Variants in RASGRF1 observed in about 807,000 individuals in gnomAD.
RASGRF1 encodes ras-specific guanine nucleotide-releasing factor 1.
Under a neutral mutation model 138.7 loss-of-function variants are expected in RASGRF1, and 40 were observed. That is an observed-to-expected ratio of 0.29 (90% confidence interval 0.22 to 0.38). RASGRF1 has a LOEUF of 0.38. Ranked by LOEUF, RASGRF1 falls within the 10% of genes least tolerant of loss-of-function variation. The pLI is 1.00. For missense variants in RASGRF1, 1,108 were observed against 1,650.4 expected (o/e 0.67, Z 5.69); for synonymous variants, 614 against 663.2 (o/e 0.93, Z 1.14).
Position 79,046,502 on chromosome 15 carries a change from A to T in RASGRF1, c.878+244T>A, listed in dbSNP as rs772977165. On this transcript the variant is annotated intron_variant, in intron 5 of 26. Coordinates refer to ENST00000558480, the MANE Select transcript of RASGRF1 (RefSeq NM_001145648.3). This position sits in a 1 kb window ranked among gnomAD's most constrained non-coding sequence, Gnocchi z 5.3. ...TTCCTAAGTGTTCCCCACGGAGCAAAACTGCCCCAGTTGAGGCCCACTGGT... is the reference window on the plus strand; with the variant it reads ...TTCCTAAGTGTTCCCCACGGAGCAATACTGCCCCAGTTGAGGCCCACTGGT... Among the ~76,000 whole-genome samples, 30 of 152,172 alleles carry T rather than the reference A, an allele frequency of 2.0e-4. No homozygotes were observed. Among genetic ancestry groups the T allele is most frequent in the Non-Finnish European group, 3.2e-4 (22 of 68,020 alleles).
chr15:79,012,530 G>A (rs555179095), intron 13 of RASGRF1: 3 of 1,613,824 alleles, frequency 1.9e-6, no homozygotes, highest in Non-Finnish European at 2.5e-6. Flanking sequence ...TGGTCCTCCT[G>A]TGAAGAAAAC....
chr15:79,001,509 G>A (rs532431673), intron 16 of RASGRF1, among the ~76,000 whole-genome samples, 153 bp downstream of exon 16: 1 of 152,214 alleles, frequency 6.6e-6, no homozygotes, highest in East Asian at 1.9e-4. Context: ...GGCGGGTGGT[G>A]GTGGGTGGGT....
At chr15:78,986,861 A>G (rs899758161) in intron 22 of RASGRF1, among the ~76,000 whole-genome samples, 1 of 152,260 alleles carries the variant, frequency 6.6e-6, no homozygotes, top group African/African-American at 2.4e-5. Flanking sequence ...ATCAGGAAGG[A>G]TAATAACACA....
At chr15:78,996,847 C>T (rs949672947) in intron 19 of RASGRF1, among the ~76,000 whole-genome samples, 3 of 152,194 alleles carry the variant, frequency 2.0e-5, no homozygotes, top group African/African-American at 7.2e-5. Context: ...TGGGCCCCAG[C>T]ATGGGGCCTC....
At chr15:78,978,964 C>A in intron 24 of RASGRF1, 1 of 1,288,086 alleles carries the variant, frequency 7.8e-7, no homozygotes, top group South Asian at 1.2e-5. Flanking sequence ...GGAAGACGGT[C>A]AGGGTGGGGA....
chr15:79,014,642 C>T (rs1462578683), intron 13 of RASGRF1, among the ~76,000 whole-genome samples: 4 of 152,050 alleles, frequency 2.6e-5, no homozygotes, highest in African/African-American at 7.2e-5. Context: ...GAGCCGGAGG[C>T]GGTGGCTCAC....
chr15:79,023,121 C>G (rs1304464698), intron 10 of RASGRF1, among the ~76,000 whole-genome samples: 1 of 151,988 alleles, frequency 6.6e-6, no homozygotes, highest in African/African-American at 2.4e-5. Context: ...TCCCAGTGAG[C>G]CGAGATCACG....
chr15:78,999,678 T>A, intron 17 of RASGRF1, 65 bp downstream of exon 17: 2 of 1,554,126 alleles, frequency 1.3e-6, no homozygotes, highest in Non-Finnish European at 1.8e-6. Flanking sequence ...GGACCATGGC[T>A]GCTATCACCT....
At chr15:79,076,483 G>C (rs1175963935) in intron 1 of RASGRF1, among the ~76,000 whole-genome samples, 1 of 152,252 alleles carries the variant, frequency 6.6e-6, no homozygotes. Context: ...GCTGACTGGA[G>C]CAGCAGTGGA....
chr15:79,019,393 C>T (rs921223793), intron 11 of RASGRF1, among the ~76,000 whole-genome samples: 1 of 152,166 alleles, frequency 6.6e-6, no homozygotes, highest in Non-Finnish European at 1.5e-5. Context: ...GAGATAAATC[C>T]CATCAAACAT....
chr15:79,089,966 G>T (rs890601462), intron 1 of RASGRF1, among the ~76,000 whole-genome samples: 1 of 152,130 alleles, frequency 6.6e-6, no homozygotes, highest in African/African-American at 2.4e-5. Context: ...CTCTGTACCC[G>T]CCTCCCACGG....
intron 23 of RASGRF1, chr15:78,981,470 A>T (rs1048484392): frequency 6.6e-6 from 1 of 152,200 alleles, no homozygotes; most frequent in African/African-American, 2.4e-5. Context: ...CAAGATTCAG[A>T]ATGTGGCTGA....
chr15:79,057,821 A>T (rs1314792790), intron 3 of RASGRF1, among the ~76,000 whole-genome samples: 2 of 152,252 alleles, frequency 1.3e-5, no homozygotes, highest in Non-Finnish European at 2.9e-5. Flanking sequence ...TGCCGCCTCC[A>T]GAATGCTGGC....
intron 16 of RASGRF1, among the ~76,000 whole-genome samples, 193 bp from the exon 17 acceptor site, chr15:79,000,106 A>G (rs778990716): frequency 6.6e-5 from 10 of 152,132 alleles, no homozygotes; most frequent in Admixed American, 3.9e-4. Context: ...GGAGAGTCAC[A>G]CCACAACACC....
At chr15:79,072,267 CTTTTTTTTTTT>C (rs758415767) in intron 1 of RASGRF1, among the ~76,000 whole-genome samples, 5,881 of 61,678 alleles carry the variant, frequency 0.095, 667 homozygotes, top group African/African-American at 0.29. Flanking sequence ...GATAAACAAT[CTTTTTTTTTTT>C]TTTTTTTTTT....
At chr15:79,003,119 A>G (rs764399464) in intron 15 of RASGRF1, among the ~76,000 whole-genome samples, 36 of 152,234 alleles carry the variant, frequency 2.4e-4, no homozygotes, top group Non-Finnish European at 3.7e-4. Context: ...CACACTCAGC[A>G]TTCCAGGTCT....
intron 26 of RASGRF1, among the ~76,000 whole-genome samples, chr15:78,967,988 A>C (rs1343038520): frequency 6.6e-6 from 1 of 152,250 alleles, no homozygotes; most frequent in Non-Finnish European, 1.5e-5. Flanking sequence ...GAATAAAATA[A>C]TCTTTATAGC....
At chr15:79,042,365 C>T (rs746148369) in intron 5 of RASGRF1, among the ~76,000 whole-genome samples, 4 of 152,214 alleles carry the variant, frequency 2.6e-5, no homozygotes, top group African/African-American at 4.8e-5. Context: ...GCAGCTCCAC[C>T]GTGGCTTATG....
intron 2 of RASGRF1, among the ~76,000 whole-genome samples, chr15:79,063,389 G>T (rs781297754): frequency 6.6e-6 from 1 of 152,166 alleles, no homozygotes; most frequent in Non-Finnish European, 1.5e-5. Context: ...CTGACCCAAG[G>T]CTCAAGGACG....
Sources: gnomAD v4.1 joint callset for allele counts (sites outside exome capture counted in the v4.1 genomes callset) on GRCh38, gnomAD v4.1.1 for gene constraint, Gnocchi (gnomAD v3.1) non-coding constraint, MANE v1.5 for transcripts, NCBI Gene and HGNC (gene_info 2026-07-23, HGNC 2026-07-21) for gene names.